BAALC: variants seen among roughly 807,000 people sequenced by gnomAD.
The protein encoded by BAALC is BAALC binder of MAP3K1 and KLF4, also known as brain and acute leukemia cytoplasmic protein.
BAALC carries 9 observed loss-of-function variants against 15.5 expected under a neutral mutation model. The observed-to-expected ratio is 0.58, with a 90% CI of 0.35 to 1.02. The LOEUF is 1.02. Ranked by LOEUF, BAALC falls within the 50% of genes least tolerant of loss-of-function variation. The probability of loss-of-function intolerance (pLI) is 0.02; values close to 1 mark genes in which losing one functional copy is unlikely to be tolerated. For synonymous variants in BAALC, 80 were observed against 74.6 expected (o/e 1.07, Z -0.37); for missense variants, 201 against 192.4 (o/e 1.04, Z -0.27).
intron 1 of BAALC, among the ~76,000 whole-genome samples, chr8:103,192,105 G>A (rs550296311): frequency 6.6e-6 from 1 of 152,242 alleles, no homozygotes; most frequent in East Asian, 1.9e-4. Context: ...AGGCTGGAGT[G>A]CAATGGTGCG....
At chr8:103,145,433 C>T (rs190149829) in intron 1 of BAALC, among the ~76,000 whole-genome samples, 5 of 152,298 alleles carry the variant, frequency 3.3e-5, no homozygotes, top group Admixed American at 3.3e-4. Context: ...TAGGCCTGAC[C>T]ACATTCTCTA....
chr8:103,180,226 G>A (rs1811695610), intron 1 of BAALC, among the ~76,000 whole-genome samples: 1 of 152,220 alleles, frequency 6.6e-6, no homozygotes, highest in African/African-American at 2.4e-5. Flanking sequence ...TAGAGTTCCA[G>A]GAAGAAGAGA....
rs1424669651 is a variant in BAALC, at chr8:103,229,438, G to GCTAA, written c.*1342_*1345dup. The stretch of plus-strand genomic sequence containing the variant: ...AGTCAGATACGCAACCTCCTTATCT[G>GCTAA]CTAACTCTGTTATTCTTCAAACACA... On this transcript the variant is annotated 3_prime_UTR_variant, in exon 3 of 3. Transcript: ENST00000309982. The GCTAA allele has an allele frequency of 2.0e-5, 3 of 152,174 alleles. No individual in the cohort carries two copies. The highest frequency in any genetic ancestry group is 2.9e-5 in the Non-Finnish European group (2 of 68,038). The allele number at this position is 152,174 out of a possible 1,614,324, so 9.4% of individuals were successfully genotyped here.
intron 1 of BAALC, among the ~76,000 whole-genome samples, chr8:103,209,148 G>A (rs1392524548): frequency 1.3e-5 from 2 of 152,078 alleles, no homozygotes; most frequent in Admixed American, 1.3e-4. Context: ...AAGGCGGGTG[G>A]ATCACTTGAG....
At position 103,227,985 on chromosome 8, in the gene BAALC, A is replaced by T. The variant is rs1812843299; in HGVS notation, c.328-4A>T. On this transcript the variant is annotated splice_polypyrimidine_tract_variant and splice_region_variant and intron_variant, in intron 2 of 2. Coordinates refer to ENST00000309982, the MANE Select transcript of BAALC (RefSeq NM_024812.3). ...AACTCAATTCACTGTTTTCAACTTA[A>T]CAGGCTAAAAGAGATGCTAAGAGAA... 6.2e-7 allele frequency: 1 copy of T among 1,602,372 alleles called. No individual in the cohort carries two copies. The highest frequency in any genetic ancestry group is 1.3e-5 in the African/African-American group (1 of 74,712).
chr8:103,207,045 G>C (rs1812347011), intron 1 of BAALC, among the ~76,000 whole-genome samples: 1 of 152,212 alleles, frequency 6.6e-6, no homozygotes, highest in Non-Finnish European at 1.5e-5. Flanking sequence ...AGCCTTAGGA[G>C]AAGAAGCCAG....
rs569122224 is a variant in BAALC, at chr8:103,169,674, C to A, written c.160+28617C>A. The stretch of plus-strand genomic sequence containing the variant: ...CAATTTCCTACCTGGAGGGCACATG[C>A]CTGACTGAGTAGGGGAAGAAGCCTG... On this transcript the variant is annotated intron_variant, in intron 1 of 2. Coordinates refer to ENST00000309982, the MANE Select transcript of BAALC (RefSeq NM_024812.3). 5.3e-5 allele frequency among the ~76,000 whole-genome samples: 8 copies of A among 152,316 alleles called. No homozygotes were observed. In the East Asian group the frequency reaches 1.5e-3, roughly 29 times the overall value.
intron 1 of BAALC, among the ~76,000 whole-genome samples, chr8:103,175,667 G>A (rs575784372): frequency 1.3e-5 from 2 of 152,352 alleles, no homozygotes; most frequent in East Asian, 3.9e-4. Flanking sequence ...CTGAATGCCA[G>A]GAAACTGCCT....
At chr8:103,223,098 G>T (rs1222187185) in intron 2 of BAALC, among the ~76,000 whole-genome samples, 1 of 152,076 alleles carries the variant, frequency 6.6e-6, no homozygotes, top group Non-Finnish European at 1.5e-5. Context: ...GGACCACAAG[G>T]TCAGGAGTTC....
At chr8:103,209,405 G>A (rs1586432947) in intron 1 of BAALC, among the ~76,000 whole-genome samples, 1 of 152,090 alleles carries the variant, frequency 6.6e-6, no homozygotes, top group Non-Finnish European at 1.5e-5. Flanking sequence ...ATGGCACACT[G>A]GGGGAGACAG....
chr8:103,174,339 T>C (rs1811561718), intron 1 of BAALC, among the ~76,000 whole-genome samples: 1 of 150,786 alleles, frequency 6.6e-6, no homozygotes, highest in Non-Finnish European at 1.5e-5. Context: ...GCAACTGTGG[T>C]GAGACTGGAC....
intron 2 of BAALC, among the ~76,000 whole-genome samples, chr8:103,225,404 T>G (rs1812783014): frequency 6.6e-6 from 1 of 152,238 alleles, no homozygotes; most frequent in African/African-American, 2.4e-5. Flanking sequence ...AAGTATGATC[T>G]TTGGTTAGGT....
At chr8:103,218,469 A>G (rs1812610225) in intron 2 of BAALC, among the ~76,000 whole-genome samples, 1 of 151,934 alleles carries the variant, frequency 6.6e-6, no homozygotes, top group Non-Finnish European at 1.5e-5. Flanking sequence ...GTCTTCTCCC[A>G]CTAATTAGTT....
intron 1 of BAALC, among the ~76,000 whole-genome samples, chr8:103,176,527 A>T (rs1450925978): frequency 6.6e-6 from 1 of 152,034 alleles, no homozygotes; most frequent in East Asian, 1.9e-4. Context: ...TGAAGAAGGG[A>T]CAGAAACACA....
rs1035971549 is a variant in BAALC at position 103,141,723 on chromosome 8, C to G, written c.160+666C>G. Among the ~76,000 whole-genome samples, 37 of 152,216 alleles carry G rather than the reference C, an allele frequency of 2.4e-4. 1 individual carries two copies. The highest frequency in any genetic ancestry group is 2.4e-3 in the Admixed American group (37 of 15,288). On this transcript the variant is annotated intron_variant, in intron 1 of 2. Transcript: ENST00000309982. Reference sequence around the variant, plus strand: ...CATAGCAAAGGACTTCTCTCCCTACCCTATGGTGTCCCAATGCTTTGCAGG... The same window carrying G: ...CATAGCAAAGGACTTCTCTCCCTACGCTATGGTGTCCCAATGCTTTGCAGG...
intron 2 of BAALC, among the ~76,000 whole-genome samples, chr8:103,224,850 C>T (rs112209725): frequency 4.6e-5 from 7 of 151,958 alleles, no homozygotes; most frequent in East Asian, 1.9e-4. Flanking sequence ...AAGTAAGTCA[C>T]GATATACAGG....
At chr8:103,219,187 G>T (rs953973976) in intron 2 of BAALC, among the ~76,000 whole-genome samples, 1 of 152,208 alleles carries the variant, frequency 6.6e-6, no homozygotes, top group African/African-American at 2.4e-5. Context: ...GTAAGACTCG[G>T]TATTCATGTA....
At chr8:103,188,439 G>A (rs143484585) in intron 1 of BAALC, among the ~76,000 whole-genome samples, 118 of 152,342 alleles carry the variant, frequency 7.7e-4, no homozygotes, top group African/African-American at 2.7e-3. Flanking sequence ...GATAAGGGAC[G>A]TTGAGGGACA....
At chr8:103,164,656 C>T (rs1811305712) in intron 1 of BAALC, among the ~76,000 whole-genome samples, 1 of 152,184 alleles carries the variant, frequency 6.6e-6, no homozygotes, top group Non-Finnish European at 1.5e-5. Flanking sequence ...CCCTTTCCTT[C>T]CTTCTCTATG....
Sources: gnomAD v4.1 joint callset for allele counts (sites outside exome capture counted in the v4.1 genomes callset) on GRCh38, gnomAD v4.1.1 for gene constraint, MANE v1.5 for transcripts, NCBI Gene and HGNC (gene_info 2026-07-23, HGNC 2026-07-21) for gene names.